GRID1: variants seen among roughly 807,000 people sequenced by gnomAD.
The protein encoded by GRID1 is glutamate receptor ionotropic, delta-1.
A neutral mutation model predicts 98.0 loss-of-function variants in GRID1; 28 were observed. That is an observed-to-expected ratio of 0.29 (90% confidence interval 0.21 to 0.39). The LOEUF (loss-of-function observed/expected upper bound fraction) is 0.39. GRID1 is among the 10% of genes least tolerant of loss of function. The pLI is 1.00. For missense variants in GRID1, 1,111 were observed against 1,340.5 expected, an observed-to-expected ratio of 0.83 and a Z score of 2.67; for synonymous variants, 553 against 538.5, an observed-to-expected ratio of 1.03 and a Z score of -0.37.
Position 86,112,992 on chromosome 10 carries a change from G to A in GRID1, c.726+25827C>T, listed in dbSNP as rs1045607261. 3.9e-5 allele frequency among the ~76,000 whole-genome samples: 6 copies of A among 152,150 alleles called. No homozygotes were observed. The East Asian group carries it at 1.2e-3, about 29-fold the overall frequency. Reference sequence around the variant, plus strand: ...GTATTTAAAGTACCAAGACTCAGAAGCCCTCAATGACCCAGCCTTTGCCAG... The same window carrying A: ...GTATTTAAAGTACCAAGACTCAGAAACCCTCAATGACCCAGCCTTTGCCAG... On this transcript the variant is annotated intron_variant, in intron 4 of 15. Coordinates refer to ENST00000327946, the MANE Select transcript of GRID1 (RefSeq NM_017551.3).
At chr10:85,800,511 TAAC>T (rs200919108) in intron 8 of GRID1, among the ~76,000 whole-genome samples, 1,546 of 152,100 alleles carry the variant, frequency 0.01, 13 homozygotes, top group Non-Finnish European at 0.014. Context: ...TCTAGAACTA[TAAC>T]AACAACAAAA....
intron 12 of GRID1, among the ~76,000 whole-genome samples, chr10:85,718,943 T>G (rs1210799411): frequency 6.6e-6 from 1 of 152,232 alleles, no homozygotes; most frequent in South Asian, 2.1e-4. Flanking sequence ...TATGCTGTTT[T>G]CCTTTTAAAA....
chr10:86,316,264 G>T (rs139716595), intron 2 of GRID1, among the ~76,000 whole-genome samples: 18 of 152,216 alleles, frequency 1.2e-4, no homozygotes, highest in Admixed American at 5.9e-4. Flanking sequence ...AATACATTCT[G>T]CACATTTGGC....
chr10:86,025,111 C>T (rs139768921), intron 4 of GRID1, among the ~76,000 whole-genome samples: 20 of 152,234 alleles, frequency 1.3e-4, no homozygotes, highest in Non-Finnish European at 2.2e-4. Flanking sequence ...GAATAGTTTG[C>T]GAGAAAGCAG....
intron 8 of GRID1, among the ~76,000 whole-genome samples, chr10:85,823,674 A>T (rs548649983): frequency 2.0e-5 from 3 of 152,220 alleles, no homozygotes; most frequent in African/African-American, 4.8e-5. Context: ...AATGAAAAAA[A>T]ACTATATCTA....
intron 4 of GRID1, among the ~76,000 whole-genome samples, chr10:86,051,797 T>C (rs7907659): frequency 0.8 from 121,078 of 152,254 alleles, 48,357 homozygotes; most frequent in East Asian, 0.87. Flanking sequence ...ATTCTGTTGA[T>C]AAAACTATGG....
At chr10:85,658,805 G>A (rs538067700) in intron 12 of GRID1, among the ~76,000 whole-genome samples, 1 of 152,234 alleles carries the variant, frequency 6.6e-6, no homozygotes, top group South Asian at 2.1e-4. Context: ...AAATGTTCTG[G>A]GCAAAGATAA....
At chr10:85,781,249 T>G (rs1031184910) in intron 8 of GRID1, among the ~76,000 whole-genome samples, 1 of 152,246 alleles carries the variant, frequency 6.6e-6, no homozygotes, top group Non-Finnish European at 1.5e-5. Context: ...AGGATAATTT[T>G]TCCTCTGCTA....
chr10:86,280,442 A>T (rs1847340484), intron 2 of GRID1, among the ~76,000 whole-genome samples: 2 of 152,068 alleles, frequency 1.3e-5, no homozygotes, highest in Admixed American at 1.3e-4. Flanking sequence ...GCTCCTCAGT[A>T]TGGCCAGTAG....
At chr10:86,324,160 C>CA (rs1848010525) in intron 2 of GRID1, among the ~76,000 whole-genome samples, 1 of 151,530 alleles carries the variant, frequency 6.6e-6, no homozygotes, top group African/African-American at 2.4e-5. Flanking sequence ...GCCTGGGTGA[C>CA]AGAGTGAGAC....
intron 13 of GRID1, among the ~76,000 whole-genome samples, chr10:85,640,770 ATGT>A (rs1843107664): frequency 6.6e-6 from 1 of 152,228 alleles, no homozygotes; most frequent in Non-Finnish European, 1.5e-5. Flanking sequence ...AAGCGAATAA[ATGT>A]TGGTGCTAAG....
intron 5 of GRID1, among the ~76,000 whole-genome samples, chr10:85,897,828 G>A (rs1589291586): frequency 6.6e-6 from 1 of 151,776 alleles, no homozygotes; most frequent in South Asian, 2.1e-4. Flanking sequence ...CCCTGAACTG[G>A]TAATTCTTTC....
At chr10:85,670,771 G>A (rs1841075987) in intron 12 of GRID1, among the ~76,000 whole-genome samples, 1 of 152,060 alleles carries the variant, frequency 6.6e-6, no homozygotes, top group Non-Finnish European at 1.5e-5. Flanking sequence ...TGACCTACAT[G>A]CCCAACTTGA....
intron 4 of GRID1, among the ~76,000 whole-genome samples, chr10:86,077,888 G>C (rs1843906269): frequency 6.6e-6 from 1 of 152,276 alleles, no homozygotes; most frequent in Non-Finnish European, 1.5e-5. Flanking sequence ...GACAGTGACA[G>C]TAAAATGGTT....
chr10:85,879,279 C>T (rs1480042079), intron 5 of GRID1, among the ~76,000 whole-genome samples: 1 of 152,118 alleles, frequency 6.6e-6, no homozygotes, highest in Non-Finnish European at 1.5e-5. Flanking sequence ...ACCTAATAGA[C>T]ATCTACAGAA....
At chr10:85,961,669 C>T (rs1204360119) in intron 4 of GRID1, among the ~76,000 whole-genome samples, 1 of 150,708 alleles carries the variant, frequency 6.6e-6, no homozygotes, top group Non-Finnish European at 1.5e-5. Flanking sequence ...TCTCAGCTTC[C>T]TTCTCTCCTT....
chr10:86,004,476 T>C lies in GRID1; in HGVS notation c.727-88237A>G, dbSNP rs144159087. 6.5e-3 allele frequency among the ~76,000 whole-genome samples: 988 copies of C among 152,266 alleles called. 12 individuals are homozygous for C. Among genetic ancestry groups the C allele is most frequent in the African/African-American group, 0.022 (914 of 41,560 alleles). Reference sequence around the variant, plus strand: ...GAGGTTATATTTAAATCCTCTGACTTTGAGTAAAGCAGATTGCCCTCCATG... The same window carrying C: ...GAGGTTATATTTAAATCCTCTGACTCTGAGTAAAGCAGATTGCCCTCCATG... On this transcript the variant is annotated intron_variant, in intron 4 of 15. Transcript: ENST00000327946.
chr10:85,932,511 T>A (rs536768499), intron 4 of GRID1, among the ~76,000 whole-genome samples: 65 of 152,292 alleles, frequency 4.3e-4, no homozygotes, highest in Non-Finnish European at 7.8e-4. Context: ...CAGCCCTCCA[T>A]CCACTTTCTA....
intron 13 of GRID1, among the ~76,000 whole-genome samples, chr10:85,641,866 C>A (rs1843125533): frequency 1.3e-5 from 2 of 152,162 alleles, no homozygotes; most frequent in African/African-American, 4.8e-5. Flanking sequence ...AGCCCGGATG[C>A]TATTCAACGG....
Sources: gnomAD v4.1 joint callset for allele counts (sites outside exome capture counted in the v4.1 genomes callset) on GRCh38, gnomAD v4.1.1 for gene constraint, MANE v1.5 for transcripts, NCBI Gene and HGNC (gene_info 2026-07-23, HGNC 2026-07-21) for gene names.